Variants in RPS6KA5 observed in about 807,000 individuals in gnomAD.
RPS6KA5 encodes ribosomal protein S6 kinase A5.
RPS6KA5 carries 27 observed loss-of-function variants against 85.5 expected under a neutral mutation model. The observed-to-expected ratio is 0.32, with a 90% CI of 0.23 to 0.44. RPS6KA5 has a LOEUF of 0.44. Among genes scored for constraint, RPS6KA5 ranks in the 20% least tolerant of loss-of-function variants. The pLI, the probability that RPS6KA5 is intolerant of heterozygous loss-of-function variation, is 1.00. For missense variants in RPS6KA5, 811 were observed against 980.9 expected (o/e 0.83, Z 2.31); for synonymous variants, 334 against 348.2 (o/e 0.96, Z 0.46).
intron 5 of RPS6KA5, among the ~76,000 whole-genome samples, chr14:90,939,881 C>T (rs1027529225): frequency 4.0e-5 from 6 of 151,886 alleles, no homozygotes; most frequent in African/African-American, 1.2e-4. Context: ...GAAACTTGTT[C>T]CAAAAAATAT....
chr14:90,958,814 G>C (rs1290032969), intron 3 of RPS6KA5, among the ~76,000 whole-genome samples: 1 of 151,896 alleles, frequency 6.6e-6, no homozygotes, highest in African/African-American at 2.4e-5. Context: ...AAGTAAATTA[G>C]ATATTATTAA....
intron 12 of RPS6KA5, among the ~76,000 whole-genome samples, chr14:90,894,837 T>C (rs2034750396): frequency 6.6e-6 from 1 of 152,218 alleles, no homozygotes; most frequent in South Asian, 2.1e-4. Flanking sequence ...CCTTCTGTGA[T>C]GAATTCTTTC....
intron 14 of RPS6KA5, among the ~76,000 whole-genome samples, chr14:90,877,958 A>G (rs1176586322): frequency 6.6e-6 from 1 of 152,236 alleles, no homozygotes; most frequent in Non-Finnish European, 1.5e-5. Flanking sequence ...TGCTCAGCAA[A>G]TGGTTAATAA....
chr14:91,058,069 G>A (rs567805332), intron 1 of RPS6KA5, among the ~76,000 whole-genome samples: 2 of 152,276 alleles, frequency 1.3e-5, no homozygotes, highest in Admixed American at 6.5e-5. Flanking sequence ...ATTCTGAGAC[G>A]GGACCATATC....
At chr14:90,974,360 G>A (rs1208347967) in intron 3 of RPS6KA5, among the ~76,000 whole-genome samples, 1 of 152,212 alleles carries the variant, frequency 6.6e-6, no homozygotes, top group Non-Finnish European at 1.5e-5. Context: ...AACCAAGTGA[G>A]CATTCCTGGA....
At chr14:90,935,584 CCTAA>C (rs2037212498) in intron 5 of RPS6KA5, among the ~76,000 whole-genome samples, 1 of 152,080 alleles carries the variant, frequency 6.6e-6, no homozygotes, top group Non-Finnish European at 1.5e-5. Flanking sequence ...AAAAGATCCC[CCTAA>C]CTAAAATGCC....
intron 2 of RPS6KA5, among the ~76,000 whole-genome samples, chr14:90,980,178 G>A (rs757777144): frequency 1.5e-4 from 23 of 152,136 alleles, no homozygotes; most frequent in Non-Finnish European, 2.8e-4. Context: ...CTATTCAGAA[G>A]CAACAAAATG....
At chr14:90,928,067 C>G (rs1293352828) in intron 5 of RPS6KA5, among the ~76,000 whole-genome samples, 1 of 151,668 alleles carries the variant, frequency 6.6e-6, no homozygotes, top group East Asian at 1.9e-4. Flanking sequence ...TCCCAAGTAG[C>G]TGGGCTCTTG....
At chr14:90,945,417 A>T (rs1025606391) in intron 4 of RPS6KA5, among the ~76,000 whole-genome samples, 2 of 152,252 alleles carry the variant, frequency 1.3e-5, no homozygotes. Context: ...CCTAAAAAAC[A>T]ACCTCTTTAG....
At chr14:90,874,619 G>A (rs1595096304) in intron 15 of RPS6KA5, among the ~76,000 whole-genome samples, 2 of 152,188 alleles carry the variant, frequency 1.3e-5, no homozygotes, top group Non-Finnish European at 1.5e-5. Context: ...ATCACATAGG[G>A]ATTCTAGAAA....
chr14:90,912,206 T>G (rs1262293021), intron 7 of RPS6KA5, among the ~76,000 whole-genome samples: 1 of 152,240 alleles, frequency 6.6e-6, no homozygotes, highest in African/African-American at 2.4e-5. Flanking sequence ...TAAATGTTCT[T>G]AGGACAAGGA....
chr14:90,958,153 A>G lies in RPS6KA5; in HGVS notation c.395-10603T>C, dbSNP rs193234762. Among the ~76,000 whole-genome samples the G allele has an allele frequency of 7.3e-4, 111 of 152,144 alleles. 1 individual carries two copies. The East Asian group carries it at 0.016, about 22-fold the overall frequency. ...CAGAGTGAAACCCTGTCTCAAGATA[A>G]TAATAATAATAATGAATAAAGAATT... On this transcript the variant is annotated intron_variant, in intron 3 of 16. Transcript: ENST00000614987.
intron 1 of RPS6KA5, among the ~76,000 whole-genome samples, chr14:91,056,195 T>C (rs1453146624): frequency 6.6e-6 from 1 of 152,248 alleles, no homozygotes; most frequent in Non-Finnish European, 1.5e-5. Flanking sequence ...TTCTCCTCAA[T>C]GTTAGGCTCT....
At chr14:91,051,295 C>G (rs1259993933) in intron 1 of RPS6KA5, among the ~76,000 whole-genome samples, 1 of 150,702 alleles carries the variant, frequency 6.6e-6, no homozygotes. Context: ...AAGTAAATCA[C>G]TAGCCGGGAA....
intron 2 of RPS6KA5, among the ~76,000 whole-genome samples, chr14:90,981,439 T>A (rs911315199): frequency 1.3e-5 from 2 of 152,196 alleles, no homozygotes; most frequent in Admixed American, 6.5e-5. Flanking sequence ...TTTCTTTCTG[T>A]TACTTTAAAA....
intron 2 of RPS6KA5, among the ~76,000 whole-genome samples, chr14:90,997,734 G>A (rs935251657): frequency 6.6e-6 from 1 of 152,170 alleles, no homozygotes; most frequent in Non-Finnish European, 1.5e-5. Flanking sequence ...GTACTGGCCA[G>A]GCAGGGTGGC....
chr14:91,054,369 GCT>G (rs1347578097), intron 1 of RPS6KA5, among the ~76,000 whole-genome samples: 3 of 152,124 alleles, frequency 2.0e-5, no homozygotes, highest in Admixed American at 6.5e-5. Context: ...AGGAGCGGTG[GCT>G]CACACCTGTA....
chr14:90,885,741 CAAAAAAAAAAAAAAAAAA>C (rs11312699), intron 14 of RPS6KA5, among the ~76,000 whole-genome samples: 2 of 27,874 alleles, frequency 7.2e-5, no homozygotes, highest in Non-Finnish European at 1.1e-4. Context: ...GACTCCATCT[CAAAAAAAAAAAAAAAAAA>C]AAAAAAAAAA....
rs1447041681 is a variant in RPS6KA5, at chr14:90,864,829, C to T, written c.*7245G>A. 6.6e-6 allele frequency: 1 copy of T among 152,194 alleles called. No homozygotes were observed. The highest frequency in any genetic ancestry group is 2.4e-5 in the African/African-American group (1 of 41,434). 9.4% of individuals were successfully genotyped at this position (152,194 alleles called of 1,614,324 possible). On this transcript the variant is annotated 3_prime_UTR_variant, in exon 17 of 17. Transcript: ENST00000614987. ...TACACCTTAAAATCTCAGTGAAATA[C>T]AAAATCACCAGAATGGTTAAAACCA...
Sources: allele counts gnomAD v4.1 joint callset (sites outside exome capture counted in the v4.1 genomes callset), GRCh38; gene constraint gnomAD v4.1.1; transcripts MANE v1.5; gene names NCBI Gene and HGNC (gene_info 2026-07-23, HGNC 2026-07-21).